Variants in CABIN1 observed in about 807,000 individuals in gnomAD.
CABIN1 encodes calcineurin-binding protein cabin-1.
CABIN1 carries 133 observed loss-of-function variants against 227.7 expected under a neutral mutation model. The ratio of observed to expected loss-of-function variants is 0.58; its 90% CI spans 0.51 to 0.67. The LOEUF (loss-of-function observed/expected upper bound fraction) is 0.67, where lower values mean the gene tolerates loss of function less well. CABIN1 is among the 30% of genes least tolerant of loss of function. The probability of loss-of-function intolerance (pLI) is 0.00; values close to 1 mark genes in which losing one functional copy is unlikely to be tolerated. For missense variants in CABIN1, 2,408 were observed against 2,852.5 expected (o/e 0.84, Z 3.55); for synonymous variants, 1,086 against 1,155.1 (o/e 0.94, Z 1.21).
chr22:24,151,404 A>C (rs1301813851), intron 29 of CABIN1, among the ~76,000 whole-genome samples: 1 of 152,096 alleles, frequency 6.6e-6, no homozygotes, highest in Non-Finnish European at 1.5e-5. Flanking sequence ...CCAGATCCCC[A>C]CAAGCCCACA....
chr22:24,012,902 A>G (rs893945016), intron 1 of CABIN1, among the ~76,000 whole-genome samples: 4 of 151,940 alleles, frequency 2.6e-5, no homozygotes, highest in Non-Finnish European at 4.4e-5. Flanking sequence ...CTGGGACTAC[A>G]GACACCCGCC....
At chr22:24,158,575 C>T (rs960656540) in intron 29 of CABIN1, among the ~76,000 whole-genome samples, 8 of 152,176 alleles carry the variant, frequency 5.3e-5, no homozygotes, top group Admixed American at 6.5e-5. Context: ...CAGGACGCTG[C>T]GGGTGATGGG....
chr22:24,050,973 A>G lies in CABIN1; in HGVS notation c.805A>G (p.Thr269Ala). 3.7e-6 allele frequency: 6 copies of G among 1,614,122 alleles called. No individual in the cohort carries two copies. Among genetic ancestry groups the G allele is most frequent in the South Asian group, 1.1e-5 (1 of 91,072 alleles). ...ACTTGTGCAGCCCATTCCTTTCTTC[A>G]CGTAGGTTGTCTAGCGTCTCTGGGA... ...LKLVQPIPFF[T>A]WKCLGESLLA... is the part of the protein sequence containing the mutation. The change falls in exon 8 of 37, where the codon ACC becomes GCC. Residue 269 changes from threonine to alanine, a missense_variant and splice_region_variant. By Grantham distance (58) the Thr-to-Ala change is moderately conservative. Transcript: ENST00000263119.
intron 29 of CABIN1, among the ~76,000 whole-genome samples, chr22:24,153,164 A>G (rs969204491): frequency 2.2e-4 from 34 of 152,170 alleles, no homozygotes; most frequent in Non-Finnish European, 4.4e-4. Context: ...TGGACCAGCC[A>G]CGTGAGCCAA....
chr22:24,097,085 A>G (rs1356793364), intron 25 of CABIN1, among the ~76,000 whole-genome samples: 1 of 152,260 alleles, frequency 6.6e-6, no homozygotes, highest in East Asian at 1.9e-4. Flanking sequence ...TCAGGTGGGC[A>G]GCCGCTGTGC....
intron 1 of CABIN1, among the ~76,000 whole-genome samples, chr22:24,024,349 TG>T (rs1455865756): frequency 6.6e-6 from 1 of 152,216 alleles, no homozygotes; most frequent in African/African-American, 2.4e-5. Flanking sequence ...GTGCTTTTGG[TG>T]TCATGCTTAA....
intron 23 of CABIN1, among the ~76,000 whole-genome samples, chr22:24,089,039 C>T (rs559015612): frequency 1.8e-4 from 27 of 152,338 alleles, no homozygotes; most frequent in Middle Eastern, 3.4e-3. Flanking sequence ...CAGAGCCTGA[C>T]TCCCCAAGAG....
intron 10 of CABIN1, among the ~76,000 whole-genome samples, chr22:24,057,364 A>G (rs1407369142): frequency 6.6e-6 from 1 of 151,982 alleles, no homozygotes; most frequent in Non-Finnish European, 1.5e-5. Context: ...CTCCTCCCTT[A>G]GCTGAGTGGA....
chr22:24,080,874 A>G (rs943459837), intron 19 of CABIN1, among the ~76,000 whole-genome samples: 3 of 152,174 alleles, frequency 2.0e-5, no homozygotes, highest in Non-Finnish European at 4.4e-5. Flanking sequence ...TCATCCACGA[A>G]TAACTATTTT....
At chr22:24,059,121 A>G in intron 10 of CABIN1, 106 bp from the exon 11 acceptor site, 1 of 1,461,912 alleles carries the variant, frequency 6.8e-7, no homozygotes, top group Non-Finnish European at 9.5e-7. Context: ...CACTTATTTT[A>G]GCTGCCTTCT....
At position 24,166,776 on chromosome 22, in the gene CABIN1, A is replaced by C; in HGVS notation, c.5145A>C (p.Ser1715=). The C allele has an allele frequency of 6.2e-7, 1 of 1,612,934 alleles. No individual in the cohort carries two copies. ...QPKKPPLADG[S]GPGPEPGGKV... The stretch of plus-strand genomic sequence containing the variant: ...AGAAGCCCCCTCTGGCTGATGGCTC[A>C]GGGCCAGGGCCCGAGCCAGGAGGCA... The change falls in exon 32 of 37, where the codon TCA becomes TCC. Residue 1715 remains serine, a synonymous_variant. Transcript: ENST00000263119.
intron 34 of CABIN1, 106 bp downstream of exon 34, chr22:24,172,101 C>T (rs958623586): frequency 4.5e-5 from 61 of 1,356,560 alleles, no homozygotes; most frequent in African/African-American, 2.5e-4. Context: ...AGTGCCCTCC[C>T]GCCCAGTCGA....
intron 26 of CABIN1, among the ~76,000 whole-genome samples, chr22:24,106,435 G>T (rs887507712): frequency 1.3e-5 from 2 of 152,172 alleles, no homozygotes; most frequent in Non-Finnish European, 2.9e-5. Context: ...GGTGGCTCTG[G>T]GTTACACACC....
chr22:24,083,406 AG>A lies in CABIN1; in HGVS notation c.2910+19del, dbSNP rs755634611. ...GCCCAGCAGGTGAGGGTGCTGCAAT[AG>A]GCCCAACAAAGAGGGAAGCAGGAGC... On this transcript the variant is annotated intron_variant, in intron 20 of 36. Coordinates refer to ENST00000263119, the MANE Select transcript of CABIN1 (RefSeq NM_012295.4). The A allele has an allele frequency of 6.2e-7, 1 of 1,613,662 alleles. No individual in the cohort carries two copies. Among genetic ancestry groups the A allele is most frequent in the South Asian group, 1.1e-5 (1 of 91,074 alleles).
chr22:24,026,797 A>G (rs918588121), intron 1 of CABIN1, among the ~76,000 whole-genome samples: 1 of 152,162 alleles, frequency 6.6e-6, no homozygotes, highest in Non-Finnish European at 1.5e-5. Flanking sequence ...GCTTTATTGT[A>G]AGTTTTTAAA....
In CABIN1 at chr22:24,168,459, G is replaced by A; in HGVS notation, c.5695G>A (p.Ala1899Thr). ...TCTCCCTGTTAAGGTGGATGAGGAGGCTGCGCTGGAGCAGGCTGTGAAGTT... is the reference window on the plus strand; with the variant it reads ...TCTCCCTGTTAAGGTGGATGAGGAGACTGCGCTGGAGCAGGCTGTGAAGTT... The part of the protein sequence containing the change: ...YMLIKQVDEE[A>T]ALEQAVKFCQ... Residue 1899 changes from alanine to threonine, a missense_variant, in exon 33 of 37, where the codon GCT (alanine) becomes ACT (threonine). Transcript: ENST00000263119. 1 of 1,571,774 alleles carries A rather than the reference G, an allele frequency of 6.4e-7. No homozygotes were observed. The highest frequency in any genetic ancestry group is 8.6e-7 in the Non-Finnish European group (1 of 1,158,416).
intron 26 of CABIN1, among the ~76,000 whole-genome samples, chr22:24,107,199 C>T (rs1269225270): frequency 6.6e-6 from 1 of 152,166 alleles, no homozygotes; most frequent in African/African-American, 2.4e-5. Flanking sequence ...AGCAGCCCAC[C>T]CCAGCATCAT....
rs182733594 is a variant in CABIN1 at position 24,082,375 on chromosome 22, C to A, written c.2749-853C>A. ...AAAGTGCTGGAATTACAGGCATGAACTGCTGCATCCAGCCAGTATTCACTT... is the reference window on the plus strand; with the variant it reads ...AAAGTGCTGGAATTACAGGCATGAAATGCTGCATCCAGCCAGTATTCACTT... On this transcript the variant is annotated intron_variant, in intron 19 of 36. Transcript: ENST00000263119. 2.0e-5 allele frequency among the ~76,000 whole-genome samples: 3 copies of A among 152,342 alleles called. No individual in the cohort carries two copies. The East Asian group carries it at 5.8e-4, about 29-fold the overall frequency.
rs769744330 is a variant in CABIN1 at position 24,060,034 on chromosome 22, C to G, written c.1510C>G (p.Pro504Ala). Residue 504 changes from proline (P) to alanine (A), a missense_variant, in exon 12 of 37, where the codon CCT becomes GCT. By Grantham distance (27) the Pro-to-Ala change is conservative. Transcript: ENST00000263119. ...GGGCCACAAGTTCTTGGTAAGGTGG[C>G]CTCCAGGCTTGGCGGAGGTCGTGCT... is the stretch of plus-strand genomic sequence containing the variant. ...AMGHKFLVRW[P>A]PGLAEVVLSV... 10 of 1,614,154 alleles carry G rather than the reference C, an allele frequency of 6.2e-6. No homozygotes were observed. The highest frequency in any genetic ancestry group is 8.5e-6 in the Non-Finnish European group (10 of 1,180,034).
Sources: gnomAD v4.1 joint callset for allele counts (sites outside exome capture counted in the v4.1 genomes callset) on GRCh38, gnomAD v4.1.1 for gene constraint, MANE v1.5 for transcripts, NCBI Gene and HGNC (gene_info 2026-07-23, HGNC 2026-07-21) for gene names.